The following LENG8 variants were observed in gnomAD, a reference collection of about 807,000 sequenced individuals.
LENG8 encodes the protein leukocyte receptor cluster (LRC) member 8.
Under a neutral mutation model 102.1 loss-of-function variants are expected in LENG8, and 28 were observed. The ratio of observed to expected loss-of-function variants is 0.27; its 90% confidence interval spans 0.20 to 0.38. The LOEUF (loss-of-function observed/expected upper bound fraction) is 0.38. LENG8 is among the 10% of genes least tolerant of loss of function. LENG8 has a pLI of 1.00. For synonymous variants in LENG8, 531 were observed against 456.7 expected (o/e 1.16, Z -2.07); for missense variants, 1,022 against 1,113.9 (o/e 0.92, Z 1.17).
In LENG8 at chr19:54,454,470, C is replaced by A; in HGVS notation, c.467C>A (p.Ala156Asp). The change falls in exon 6 of 16, where the codon GCT becomes GAT. Residue 156 changes from alanine to aspartate, a missense_variant. By Grantham distance (126) the Ala-to-Asp change is moderately radical. Transcript: ENST00000326764. ...PGMDESMSYQ[A>D]PPQQLPSAQP... ...ATGGATGAGAGCATGTCCTACCAGG[C>A]TCCCCCTCAGCAGCTGCCGTCGGCT... The A allele has an allele frequency of 3.1e-6, 5 of 1,613,270 alleles. No homozygotes were observed. Among genetic ancestry groups the A allele is most frequent in the Non-Finnish European group, 4.2e-6 (5 of 1,179,644 alleles).
intron 1 of LENG8, among the ~76,000 whole-genome samples, chr19:54,450,275 C>G (rs904287405): frequency 6.6e-6 from 1 of 152,148 alleles, no homozygotes; most frequent in Non-Finnish European, 1.5e-5. Flanking sequence ...ACTGAGGACT[C>G]CCACGTAGGT....
In LENG8 at chr19:54,454,072, G is replaced by A. The variant is rs563505607; in HGVS notation, c.427-358G>A. On this transcript the variant is annotated intron_variant, in intron 5 of 15. Coordinates refer to ENST00000326764, the MANE Select transcript of LENG8 (RefSeq NM_052925.4). ...CGGGAAGGATGGTAGCCTCATCCTT[G>A]GGCTCCATGAGTGTGTGTGCTCATG... is the stretch of plus-strand genomic sequence containing the variant. Among the ~76,000 whole-genome samples the A allele has an allele frequency of 3.9e-5, 6 of 152,140 alleles. No individual in the cohort carries two copies. In the South Asian group the frequency reaches 1.3e-3, roughly 32 times the overall value.
rs889571859 is a variant in LENG8, at chr19:54,461,881, T to G, written c.*953T>G. On this transcript the variant is annotated 3_prime_UTR_variant, in exon 16 of 16. Transcript: ENST00000326764. ...CAAACAGCTGGACTGTCAGGCTGCT[T>G]TTTTTCCAGATGTTCCTCCTCTGCC... The G allele has an allele frequency of 4.0e-6, 3 of 756,248 alleles. No individual in the cohort carries two copies. Among genetic ancestry groups the G allele is most frequent in the Non-Finnish European group, 7.2e-6 (3 of 416,672 alleles). The allele number at this position is 756,248 out of a possible 1,614,324, so 46.8% of individuals were successfully genotyped here.
Position 54,461,033 on chromosome 19 carries a change from A to C in LENG8, c.*105A>C, listed in dbSNP as rs2094394560. On this transcript the variant is annotated 3_prime_UTR_variant, in exon 16 of 16. Coordinates refer to ENST00000326764, the MANE Select transcript of LENG8 (RefSeq NM_052925.4). Reference sequence around the variant, plus strand: ...TTGGGTTGTAAATTTATTTGTGGGGAGTGCGCTCCAGGAAGAGCCACCATC... The same window carrying C: ...TTGGGTTGTAAATTTATTTGTGGGGCGTGCGCTCCAGGAAGAGCCACCATC... The C allele has an allele frequency of 1.3e-6, 2 of 1,490,686 alleles. No individual in the cohort carries two copies. The highest frequency in any genetic ancestry group is 1.8e-6 in the Non-Finnish European group (2 of 1,110,824). The allele number at this position is 1,490,686 out of a possible 1,614,324, so 92.3% of individuals were successfully genotyped here. A position where few individuals can be genotyped will look rare whatever the true frequency, so the allele number is the denominator to read the frequency against.
intron 5 of LENG8, 103 bp from the exon 6 acceptor site, chr19:54,454,327 A>G (rs2084104161): frequency 1.7e-6 from 2 of 1,175,894 alleles, no homozygotes; most frequent in Non-Finnish European, 2.4e-6. Context: ...GGGAGGGTTG[A>G]GTGCTGAGTG....
At chr19:54,455,624 G>T in intron 8 of LENG8, 57 bp downstream of exon 8, 3 of 1,470,656 alleles carry the variant, frequency 2.0e-6, no homozygotes, top group South Asian at 2.4e-5. Flanking sequence ...GCATGGGCTG[G>T]GTATGGAGGT....
intron 4 of LENG8, 47 bp from the exon 5 acceptor site, chr19:54,453,499 G>A: frequency 7.5e-7 from 1 of 1,334,584 alleles, no homozygotes; most frequent in Non-Finnish European, 1.1e-6. Flanking sequence ...TGGGGAAGCG[G>A]AAAGGGTAGG....
intron 11 of LENG8, among the ~76,000 whole-genome samples, chr19:54,457,500 C>T (rs948552925): frequency 2.0e-5 from 3 of 152,134 alleles, no homozygotes; most frequent in African/African-American, 7.2e-5. Context: ...GCCACTACGC[C>T]TGGCTGATTT....
Position 54,461,217 on chromosome 19 carries a change from C to T in LENG8, c.*289C>T. 1 of 643,174 alleles carries T rather than the reference C, an allele frequency of 1.6e-6. No individual in the cohort carries two copies. The highest frequency in any genetic ancestry group is 1.5e-5 in the South Asian group (1 of 66,024). The allele number at this position is 643,174 out of a possible 1,614,324, so 39.8% of individuals were successfully genotyped here. A position where few individuals can be genotyped will look rare whatever the true frequency, so the allele number is the denominator to read the frequency against. On this transcript the variant is annotated 3_prime_UTR_variant, in exon 16 of 16. Transcript: ENST00000326764. The stretch of plus-strand genomic sequence containing the variant: ...GTGTCCGCCTTTCACTCCACTAATG[C>T]TGTCTCAGTGTTTTCTCTCTCTCTC...
chr19:54,453,946 A>G (rs373324293), intron 5 of LENG8, among the ~76,000 whole-genome samples: 169 of 152,244 alleles, frequency 1.1e-3, no homozygotes, highest in African/African-American at 3.8e-3. Flanking sequence ...TGCAGCTTGG[A>G]GGAATGGCCG....
chr19:54,455,594 G>A (rs2084185921), intron 8 of LENG8, 27 bp downstream of exon 8: 1 of 1,584,278 alleles, frequency 6.3e-7, no homozygotes, highest in Admixed American at 1.7e-5. Context: ...GACATAGGTG[G>A]GAGGGTGGTG....
chr19:54,454,763 T>C, intron 6 of LENG8, 81 bp downstream of exon 6: 1 of 1,477,752 alleles, frequency 6.8e-7, no homozygotes, highest in South Asian at 1.3e-5. Context: ...TGGTGTGTGC[T>C]GCTCCTTGTT....
intron 15 of LENG8, 99 bp downstream of exon 15, chr19:54,458,620 C>T: frequency 1.3e-6 from 2 of 1,572,352 alleles, no homozygotes; most frequent in Non-Finnish European, 8.6e-7. Context: ...CCCCCAGCCC[C>T]CAACCCTTGT....
intron 15 of LENG8, chr19:54,459,504 C>T (rs961643984): frequency 1.0e-6 from 1 of 986,646 alleles, no homozygotes; most frequent in Admixed American, 5.9e-5. Context: ...GCATGGAGGC[C>T]TTGAGAGCCT....
In LENG8 at chr19:54,459,177, C is replaced by G. The variant is rs540847082; in HGVS notation, c.2240+656C>G. Reference sequence around the variant, plus strand: ...GTGCCCAGGCGACGCTGGGCAATGTCAAGAGAGGTTTTCGCTTGTCACAGC... The same window carrying G: ...GTGCCCAGGCGACGCTGGGCAATGTGAAGAGAGGTTTTCGCTTGTCACAGC... On this transcript the variant is annotated intron_variant, in intron 15 of 15. Coordinates refer to ENST00000326764, the MANE Select transcript of LENG8 (RefSeq NM_052925.4). 1.2e-5 allele frequency: 14 copies of G among 1,208,038 alleles called. No individual in the cohort carries two copies. The South Asian group carries it at 4.0e-4, about 34-fold the overall frequency. 74.8% of individuals were successfully genotyped at this position (1,208,038 alleles called of 1,614,324 possible).
chr19:54,457,638 G>GCCTT (rs2084321595), intron 11 of LENG8, 109 bp from the exon 12 acceptor site: 2 of 810,364 alleles, frequency 2.5e-6, no homozygotes, highest in Non-Finnish European at 4.3e-6. Flanking sequence ...ACTGCGCCTG[G>GCCTT]CCTTTTTTTT....
chr19:54,450,931 T>C (rs1367365131), intron 1 of LENG8, among the ~76,000 whole-genome samples: 2 of 152,190 alleles, frequency 1.3e-5, no homozygotes, highest in Non-Finnish European at 2.9e-5. Context: ...CTAGAATTTT[T>C]TGTAGACCTT....
Position 54,461,758 on chromosome 19 carries a change from GTTTA to G in LENG8, c.*835_*838del, listed in dbSNP as rs1413771643. ...TGCCTTCTCTTTTCTTTGTGTGTGT[GTTTA>G]TTTAAGTTATTTTTCTTCCTCCTCT... On this transcript the variant is annotated 3_prime_UTR_variant, in exon 16 of 16. Coordinates refer to ENST00000326764, the MANE Select transcript of LENG8 (RefSeq NM_052925.4). 25 of 554,394 alleles carry G rather than the reference GTTTA, an allele frequency of 4.5e-5. No homozygotes were observed. The highest frequency in any genetic ancestry group is 9.4e-5 in the African/African-American group (5 of 53,324). 34.3% of individuals were successfully genotyped at this position (554,394 alleles called of 1,614,324 possible).
Position 54,455,013 on chromosome 19 carries a change from C to G in LENG8, c.742C>G (p.Gln248Glu), listed in dbSNP as rs1352116956. Residue 248 changes from glutamine (Q) to glutamate (E), a missense_variant, in exon 7 of 16, where the codon CAG (glutamine) becomes GAG (glutamate). Around this residue, in one of 7 missense-constraint regions of LENG8, gnomAD observed 343 missense variants for 320.2 expected, o/e 1.07. Transcript: ENST00000326764. The stretch of plus-strand genomic sequence containing the variant: ...GAAGCGACCCTTTGCTGTTACCACC[C>G]AGAGCTTTGGCTCCAACGCAGAGGG... ...IQKRPFAVTTQSFGSNAEGQH... is the reference protein window; with the variant it reads ...IQKRPFAVTTESFGSNAEGQH... The G allele has an allele frequency of 6.2e-7, 1 of 1,614,122 alleles. No individual in the cohort carries two copies. The highest frequency in any genetic ancestry group is 8.5e-7 in the Non-Finnish European group (1 of 1,180,052).
Sources: gnomAD v4.1 joint callset for allele counts (sites outside exome capture counted in the v4.1 genomes callset) on GRCh38, gnomAD v4.1.1 for gene constraint, gnomAD v4.1.1 regional missense constraint, MANE v1.5 for transcripts, NCBI Gene and HGNC (gene_info 2026-07-23, HGNC 2026-07-21) for gene names.